Variants in AP1S3 observed in about 807,000 individuals in gnomAD.
AP1S3 encodes the protein AP-1 complex subunit sigma-3.
In AP1S3, 10 loss-of-function variants were observed where a neutral mutation model predicts 20.9. The ratio of observed to expected loss-of-function variants is 0.48; its 90% CI spans 0.29 to 0.81. AP1S3 has a LOEUF of 0.81. Ranked by LOEUF, AP1S3 falls within the 30% of genes least tolerant of loss-of-function variation. AP1S3 has a pLI of 0.08. For synonymous variants in AP1S3, 41 were observed against 61.5 expected (o/e 0.67, Z 1.56); for missense variants, 154 against 183.8 (o/e 0.84, Z 0.94).
At chr2:223,823,216 T>A (rs184814716) in intron 1 of AP1S3, among the ~76,000 whole-genome samples, 42 of 152,286 alleles carry the variant, frequency 2.8e-4, no homozygotes, top group Non-Finnish European at 5.1e-4. Flanking sequence ...AACTCACATA[T>A]GATCCAGCAA....
At chr2:223,817,945 G>T (rs1181554297) in intron 1 of AP1S3, among the ~76,000 whole-genome samples, 1 of 152,028 alleles carries the variant, frequency 6.6e-6, no homozygotes, top group East Asian at 1.9e-4. Context: ...CCACTGCATG[G>T]CAGGTGTGAT....
chr2:223,786,065 GTATA>G lies in AP1S3; in HGVS notation c.4-8200_4-8197del, dbSNP rs60644734. Among the ~76,000 whole-genome samples the G allele has an allele frequency of 4.0e-3, 605 of 152,300 alleles. 5 individuals are homozygous for G. The highest frequency in any genetic ancestry group is 0.014 in the African/African-American group (566 of 41,558). Reference sequence around the variant, plus strand: ...GACTCTACATGTGTTGGGGCAGGAGGTATATGAGAGATCTCATACCTTCCACTCA... The same window carrying G: ...GACTCTACATGTGTTGGGGCAGGAGGTGAGAGATCTCATACCTTCCACTCA... On this transcript the variant is annotated intron_variant, in intron 1 of 4. Coordinates refer to ENST00000396654, the MANE Select transcript of AP1S3 (RefSeq NM_001039569.2).
intron 1 of AP1S3, among the ~76,000 whole-genome samples, chr2:223,801,217 A>G (rs1407997108): frequency 6.6e-6 from 1 of 152,292 alleles, no homozygotes; most frequent in East Asian, 1.9e-4. Context: ...AGTAGATACT[A>G]TTATTATTCC....
chr2:223,833,151 T>A (rs1418328496), intron 1 of AP1S3, among the ~76,000 whole-genome samples: 1 of 147,936 alleles, frequency 6.8e-6, no homozygotes, highest in Non-Finnish European at 1.5e-5. Flanking sequence ...ACTACATACA[T>A]CAAAGTCCAC....
chr2:223,758,466 T>C lies in AP1S3; in HGVS notation c.*249A>G. On this transcript the variant is annotated 3_prime_UTR_variant, in exon 5 of 5. Coordinates refer to ENST00000396654, the MANE Select transcript of AP1S3 (RefSeq NM_001039569.2). ...AAATATTGTCTGTTGGGTTAGGTGG[T>C]AGTTACTTTAAACATTTAGAGCTAC... The C allele has an allele frequency of 8.5e-7, 1 of 1,182,704 alleles. No homozygotes were observed. Among genetic ancestry groups the C allele is most frequent in the East Asian group, 3.7e-5 (1 of 26,968 alleles). The allele number at this position is 1,182,704 out of a possible 1,614,324, so 73.3% of individuals were successfully genotyped here.
intron 1 of AP1S3, among the ~76,000 whole-genome samples, chr2:223,794,789 A>G (rs1299036305): frequency 6.6e-6 from 1 of 151,842 alleles, no homozygotes; most frequent in African/African-American, 2.4e-5. Context: ...TTCCAAGGCT[A>G]CTCCCTCTCA....
chr2:223,818,422 C>CAA (rs202075838), intron 1 of AP1S3, among the ~76,000 whole-genome samples: 69,585 of 141,136 alleles, frequency 0.49, 16,489 homozygotes, highest in Admixed American at 0.58. Flanking sequence ...GACTCCATCT[C>CAA]AAAAAAAAAA....
intron 1 of AP1S3, among the ~76,000 whole-genome samples, chr2:223,783,625 T>C (rs981241407): frequency 1.3e-5 from 2 of 152,242 alleles, no homozygotes; most frequent in Non-Finnish European, 2.9e-5. Context: ...CGCATCTTCC[T>C]TCTAGGTGAA....
At chr2:223,777,532 G>A (rs1351057080) in intron 2 of AP1S3, among the ~76,000 whole-genome samples, 159 bp downstream of exon 2, 1 of 152,222 alleles carries the variant, frequency 6.6e-6, no homozygotes, top group South Asian at 2.1e-4. Context: ...TCAATAAAAT[G>A]AGAGTTCTTT....
intron 1 of AP1S3, among the ~76,000 whole-genome samples, chr2:223,807,517 C>T (rs1691611869): frequency 6.6e-6 from 1 of 152,174 alleles, no homozygotes; most frequent in African/African-American, 2.4e-5. Context: ...ACCCAAATCT[C>T]ATGTTCAACT....
At chr2:223,800,160 A>G (rs1559138249) in intron 1 of AP1S3, among the ~76,000 whole-genome samples, 1 of 151,372 alleles carries the variant, frequency 6.6e-6, no homozygotes, top group Non-Finnish European at 1.5e-5. Flanking sequence ...GGCTGCAGTG[A>G]GCTGAGATCG....
intron 3 of AP1S3, among the ~76,000 whole-genome samples, chr2:223,768,899 A>G (rs903898064): frequency 6.6e-6 from 1 of 152,200 alleles, no homozygotes; most frequent in African/African-American, 2.4e-5. Flanking sequence ...CTAATATGCT[A>G]GAGATTAATG....
intron 1 of AP1S3, among the ~76,000 whole-genome samples, chr2:223,782,174 A>G (rs1458397281): frequency 6.6e-6 from 1 of 151,966 alleles, no homozygotes. Flanking sequence ...CACCAAGCCC[A>G]GCTAATTTTT....
At chr2:223,780,355 A>T (rs866601056) in intron 1 of AP1S3, among the ~76,000 whole-genome samples, 27,036 of 52,934 alleles carry the variant, frequency 0.51, 6,964 homozygotes, top group East Asian at 0.56. Flanking sequence ...AGAGAGAGAG[A>T]GAGTGTGTGT....
At chr2:223,780,300 TATATATATAGAGAGAG>T (rs1234077584) in intron 1 of AP1S3, among the ~76,000 whole-genome samples, 32 of 52,920 alleles carry the variant, frequency 6.0e-4, no homozygotes, top group African/African-American at 1.1e-3. Flanking sequence ...TATATATATA[TATATATATAGAGAGAG>T]AGAGAGAGAG....
intron 1 of AP1S3, among the ~76,000 whole-genome samples, chr2:223,787,269 C>G (rs1691099818): frequency 6.6e-6 from 1 of 152,146 alleles, no homozygotes; most frequent in African/African-American, 2.4e-5. Flanking sequence ...GAACCATGGG[C>G]CAATTAAACC....
At chr2:223,770,122 G>C in intron 3 of AP1S3, 1 of 1,510,598 alleles carries the variant, frequency 6.6e-7, no homozygotes, top group Non-Finnish European at 8.8e-7. Context: ...TTAAACAATA[G>C]AAAGAAACAA....
At chr2:223,827,726 GA>G (rs573357588) in intron 1 of AP1S3, among the ~76,000 whole-genome samples, 51 of 146,006 alleles carry the variant, frequency 3.5e-4, no homozygotes, top group East Asian at 9.9e-4. Context: ...TTTCTCAGAG[GA>G]AAAAAAAAAA....
chr2:223,809,588 G>A (rs1691671124), intron 1 of AP1S3, among the ~76,000 whole-genome samples: 1 of 151,912 alleles, frequency 6.6e-6, no homozygotes, highest in Admixed American at 6.6e-5. Context: ...AGGTTGCAGT[G>A]AGTCGAGATC....
Sources: allele counts gnomAD v4.1 joint callset (sites outside exome capture counted in the v4.1 genomes callset), GRCh38; gene constraint gnomAD v4.1.1; transcripts MANE v1.5; gene names NCBI Gene and HGNC (gene_info 2026-07-23, HGNC 2026-07-21).